Variants in UGT2B11 observed in about 807,000 individuals in gnomAD.
The protein encoded by UGT2B11 is UDP-glucuronosyltransferase 2B11.
Under a neutral mutation model 51.7 loss-of-function variants are expected in UGT2B11, and 49 were observed. The ratio of observed to expected loss-of-function variants is 0.95; its 90% CI spans 0.75 to 1.20. The LOEUF is 1.20. Ranked by LOEUF, UGT2B11 falls within the 50% of genes most tolerant of loss-of-function variation. UGT2B11 has a pLI of 0.00. For missense variants in UGT2B11, 810 were observed against 622.1 expected (o/e 1.30, Z -3.21); for synonymous variants, 273 against 209.0 (o/e 1.31, Z -2.64).
intron 1 of UGT2B11, 146 bp downstream of exon 1, chr4:69,213,856 T>C: frequency 8.4e-7 from 1 of 1,192,068 alleles, no homozygotes; most frequent in African/African-American, 1.6e-5. Flanking sequence ...ATAATGTTTG[T>C]GAGATTGATA....
At chr4:69,214,902 A>G, upstream of UGT2B11, 1 of 991,156 alleles carries the variant, frequency 1.0e-6, no homozygotes, top group Non-Finnish European at 1.4e-6. Flanking sequence ...TATTTACTCA[A>G]GGATGTTTTA....
intron 2 of UGT2B11, among the ~76,000 whole-genome samples, chr4:69,208,741 G>A (rs1173898004): frequency 6.6e-6 from 1 of 151,612 alleles, no homozygotes; most frequent in Non-Finnish European, 1.5e-5. Flanking sequence ...AAGAAATGGA[G>A]CTATTACATT....
intron 2 of UGT2B11, among the ~76,000 whole-genome samples, chr4:69,209,507 T>C (rs1721979833): frequency 6.6e-6 from 1 of 151,788 alleles, no homozygotes; most frequent in Non-Finnish European, 1.5e-5. Context: ...TATACCAATA[T>C]TTAAATTTAA....
At chr4:69,204,387 C>G (rs1354034288) in intron 5 of UGT2B11, 43 bp downstream of exon 5, 1 of 1,606,954 alleles carries the variant, frequency 6.2e-7, no homozygotes, top group Admixed American at 1.7e-5. Context: ...ACAAGAGAAG[C>G]TGTCCACAAA....
chr4:69,204,271 T>G (rs1377362891), intron 5 of UGT2B11, 159 bp downstream of exon 5: 3 of 1,213,970 alleles, frequency 2.5e-6, no homozygotes, highest in Non-Finnish European at 3.4e-6. Context: ...ACACAATTTT[T>G]AAATAATAGA....
At chr4:69,219,597 G>C (rs1722360410), upstream of UGT2B11, among the ~76,000 whole-genome samples, 1 of 152,186 alleles carries the variant, frequency 6.6e-6, no homozygotes, top group Admixed American at 6.5e-5. Context: ...ACATGGCTTG[G>C]GAGGCCTCGC....
rs778308713 is a variant in UGT2B11, at chr4:69,214,228, G to A, written c.495C>T (p.Asn165=). 3 of 1,613,252 alleles carry A rather than the reference G, an allele frequency of 1.9e-6. No individual in the cohort carries two copies. The highest frequency in any genetic ancestry group is 2.5e-6 in the Non-Finnish European group (3 of 1,179,484). Residue 165 remains asparagine (N), a synonymous_variant, in exon 1 of 6, where the codon AAC becomes AAT. Transcript: ENST00000446444. The stretch of plus-strand genomic sequence containing the variant: ...AGCGGAGACTGTACACAAACCGTAT[G>A]TTAAGTAGCGCAGCCAGCAGCTCAC... ...PCGELLAALL[N]IRFVYSLRFT...
chr4:69,205,944 G>C (rs1438366038), intron 3 of UGT2B11, among the ~76,000 whole-genome samples: 2 of 151,562 alleles, frequency 1.3e-5, no homozygotes, highest in East Asian at 3.9e-4. Context: ...ACACCAATCA[G>C]AATGGCCATT....
intron 2 of UGT2B11, among the ~76,000 whole-genome samples, chr4:69,211,668 A>C (rs1398875525): frequency 6.6e-6 from 1 of 151,526 alleles, no homozygotes; most frequent in Non-Finnish European, 1.5e-5. Context: ...ATGTGGGCCT[A>C]ATGATTTCTA....
intron 2 of UGT2B11, among the ~76,000 whole-genome samples, 198 bp from the exon 3 acceptor site, chr4:69,208,680 G>A (rs924001678): frequency 4.0e-5 from 6 of 151,538 alleles, no homozygotes; most frequent in Non-Finnish European, 4.4e-5. Context: ...GGATATTTGT[G>A]TAAATATGTG....
intron 5 of UGT2B11, among the ~76,000 whole-genome samples, chr4:69,200,977 AG>A (rs1383742852): frequency 4.0e-5 from 6 of 151,732 alleles, no homozygotes; most frequent in Non-Finnish European, 7.4e-5. Flanking sequence ...AGAAAATATA[AG>A]GCATTTTAAC....
Position 69,200,630 on chromosome 4 carries a change from A to T in UGT2B11, c.1400T>A (p.Val467Asp), listed in dbSNP as rs533617717. 6.2e-7 allele frequency: 1 copy of T among 1,612,472 alleles called. No individual in the cohort carries two copies. Among genetic ancestry groups the T allele is most frequent in the South Asian group, 1.1e-5 (1 of 91,040 alleles). Residue 467 changes from valine to aspartate, a missense_variant, in exon 6 of 6, where the codon GTC becomes GAC. Val to Asp is a radical substitution (Grantham distance 152). Transcript: ENST00000446444. ...LDRAVFWIEF[V>D]MPHKGAKHLR... ...GTGTTTGGCTCCTTTGTGGGGCATG[A>T]CAAATTCAATCCAGAAGACTGCTCG... is the stretch of plus-strand genomic sequence containing the variant.
chr4:69,204,422 C>T lies in UGT2B11; in HGVS notation c.1310+8G>A. On this transcript the variant is annotated splice_region_variant and intron_variant, in intron 5 of 5. Coordinates refer to ENST00000446444, the MANE Select transcript of UGT2B11 (RefSeq NM_001073.3). Reference sequence around the variant, plus strand: ...ATACCACCTAGTGAAAAACATTGTTCTACTCACAAAGGATCATTAATTACT... The same window carrying T: ...ATACCACCTAGTGAAAAACATTGTTTTACTCACAAAGGATCATTAATTACT... The T allele has an allele frequency of 1.2e-6, 2 of 1,611,274 alleles. No homozygotes were observed. The highest frequency in any genetic ancestry group is 1.7e-6 in the Non-Finnish European group (2 of 1,178,234).
chr4:69,224,596 TACTC>T, the UGT2B11 span, among the ~76,000 whole-genome samples: 321 of 152,194 alleles, frequency 2.1e-3, no homozygotes, highest in Non-Finnish European at 3.5e-3. Context: ...GGTCTGATCA[TACTC>T]ACCACGTGAC....
At chr4:69,207,232 T>C (rs1172328826) in intron 3 of UGT2B11, among the ~76,000 whole-genome samples, 1 of 151,706 alleles carries the variant, frequency 6.6e-6, no homozygotes, top group Non-Finnish European at 1.5e-5. Context: ...TGTTCTGCTA[T>C]AGCCAAGACA....
chr4:69,205,022 T>C (rs1225494921), intron 4 of UGT2B11, among the ~76,000 whole-genome samples: 2 of 151,766 alleles, frequency 1.3e-5, no homozygotes, highest in Admixed American at 6.6e-5. Flanking sequence ...TTGGTGGTGG[T>C]GCTAGGATTG....
intron 1 of UGT2B11, among the ~76,000 whole-genome samples, chr4:69,213,282 TAGAAATTTTG>T (rs1722143829): frequency 6.6e-6 from 1 of 151,766 alleles, no homozygotes; most frequent in South Asian, 2.1e-4. Flanking sequence ...AAATTATAGC[TAGAAATTTTG>T]AGAAATTATT....
rs376428937 is a variant in UGT2B11 at position 69,214,736 on chromosome 4, G to A, written c.-14C>T. 5.8e-5 allele frequency: 93 copies of A among 1,606,924 alleles called. 3 individuals carry two copies. The South Asian group carries it at 9.2e-4, about 16-fold the overall frequency. The stretch of plus-strand genomic sequence containing the variant: ...TTTCAGAGTCATCCTGGTGCAATGC[G>A]ATCATTCTTTTCCAGTCACTGTTTC... On this transcript the variant is annotated 5_prime_UTR_variant, in exon 1 of 6. Coordinates refer to ENST00000446444, the MANE Select transcript of UGT2B11 (RefSeq NM_001073.3).
At position 69,214,249 on chromosome 4, in the gene UGT2B11, C is replaced by T. The variant is rs753972308; in HGVS notation, c.474G>A (p.Glu158=). 2.5e-6 allele frequency: 4 copies of T among 1,613,154 alleles called. No homozygotes were observed. Among genetic ancestry groups the T allele is most frequent in the Non-Finnish European group, 3.4e-6 (4 of 1,179,504 alleles). The change falls in exon 1 of 6, where the codon GAG becomes GAA. Residue 158 remains glutamate, a synonymous_variant. Transcript: ENST00000446444. Reference sequence around the variant, plus strand: ...GTATGTTAAGTAGCGCAGCCAGCAGCTCACCACAGGGAAAAACAGCATCTG... The same window carrying T: ...GTATGTTAAGTAGCGCAGCCAGCAGTTCACCACAGGGAAAAACAGCATCTG... ...VFADAVFPCG[E]LLAALLNIRF...
Sources: allele counts gnomAD v4.1 joint callset (sites outside exome capture counted in the v4.1 genomes callset), GRCh38; gene constraint gnomAD v4.1.1; transcripts MANE v1.5; gene names NCBI Gene and HGNC (gene_info 2026-07-23, HGNC 2026-07-21).